The following SLC13A3 variants were observed in gnomAD, a reference collection of about 807,000 sequenced individuals.
SLC13A3 encodes solute carrier family 13 member 3, also known as Na(+)/dicarboxylate cotransporter 3.
Under a neutral mutation model 59.0 loss-of-function variants are expected in SLC13A3, and 40 were observed. The observed-to-expected ratio is 0.68, with a 90% CI of 0.53 to 0.88. The LOEUF is 0.88. Among genes scored for constraint, SLC13A3 ranks in the 40% least tolerant of loss-of-function variants. SLC13A3 has a pLI of 0.00. For synonymous variants in SLC13A3, 317 were observed against 330.3 expected, an observed-to-expected ratio of 0.96 and a Z score of 0.44; for missense variants, 699 against 783.2, an observed-to-expected ratio of 0.89 and a Z score of 1.28.
intron 1 of SLC13A3, among the ~76,000 whole-genome samples, chr20:46,646,558 A>G (rs1185440078): frequency 6.6e-6 from 1 of 152,146 alleles, no homozygotes; most frequent in African/African-American, 2.4e-5. Flanking sequence ...CACTTCACAA[A>G]TGAGACTCAG....
At chr20:46,594,999 T>C (rs431072) in intron 5 of SLC13A3, among the ~76,000 whole-genome samples, 92,561 of 152,058 alleles carry the variant, frequency 0.61, 28,747 homozygotes, top group African/African-American at 0.72. Flanking sequence ...GGCCTCCCTT[T>C]ATTCATCCCC....
chr20:46,627,425 TGTG>T (rs1354519509), intron 1 of SLC13A3, among the ~76,000 whole-genome samples: 2 of 152,098 alleles, frequency 1.3e-5, no homozygotes, highest in Non-Finnish European at 2.9e-5. Context: ...GGGCGGGGAC[TGTG>T]GTGAAGTGGG....
upstream of SLC13A3, among the ~76,000 whole-genome samples, chr20:46,672,035 C>T (rs2063095745): frequency 6.6e-6 from 1 of 152,192 alleles, no homozygotes; most frequent in African/African-American, 2.4e-5. Context: ...GTTCCAATAC[C>T]ATCCAGAGAG....
At chr20:46,640,917 C>T (rs6017949) in intron 1 of SLC13A3, among the ~76,000 whole-genome samples, 31,288 of 152,086 alleles carry the variant, frequency 0.21, 6,027 homozygotes, top group African/African-American at 0.49. Flanking sequence ...CTGGAAGTCA[C>T]GCCAGCCTGT....
intron 6 of SLC13A3, 61 bp from the exon 7 acceptor site, chr20:46,589,316 C>A: frequency 7.2e-7 from 1 of 1,395,914 alleles, no homozygotes; most frequent in Non-Finnish European, 1.0e-6. Flanking sequence ...TTCTCACCTA[C>A]AACAAGCACC....
chr20:46,610,305 T>C (rs1455422322), intron 3 of SLC13A3, 141 bp downstream of exon 3: 1 of 795,416 alleles, frequency 1.3e-6, no homozygotes, highest in African/African-American at 1.7e-5. Context: ...TTATCAGTCA[T>C]TGTCATAACT....
intron 8 of SLC13A3, chr20:46,584,153 C>T (rs939361485): frequency 1.1e-5 from 11 of 985,360 alleles, no homozygotes; most frequent in East Asian, 1.1e-4. Flanking sequence ...CTAACTGTCA[C>T]GTTTCAAGCA....
chr20:46,637,001 A>G (rs1332716524), intron 1 of SLC13A3, among the ~76,000 whole-genome samples: 1 of 151,998 alleles, frequency 6.6e-6, no homozygotes, highest in Non-Finnish European at 1.5e-5. Context: ...GGATTTCACC[A>G]TGTTGACCAG....
chr20:46,596,464 G>C, intron 4 of SLC13A3, 122 bp from the exon 5 acceptor site: 3 of 783,494 alleles, frequency 3.8e-6, no homozygotes, highest in Non-Finnish European at 6.3e-6. Flanking sequence ...TCAAAAACCC[G>C]TAACAAGGTG....
chr20:46,603,438 G>T (rs546588223), intron 3 of SLC13A3, among the ~76,000 whole-genome samples: 1 of 151,906 alleles, frequency 6.6e-6, no homozygotes, highest in Non-Finnish European at 1.5e-5. Flanking sequence ...GCAGTGGCAC[G>T]ATCACAGCTC....
intron 12 of SLC13A3, among the ~76,000 whole-genome samples, chr20:46,560,592 C>T (rs1212972944): frequency 1.3e-5 from 2 of 152,102 alleles, no homozygotes; most frequent in Non-Finnish European, 2.9e-5. Context: ...ATAATCTTGT[C>T]TGATCACTAA....
intron 1 of SLC13A3, among the ~76,000 whole-genome samples, chr20:46,644,645 A>G (rs1003001661): frequency 2.6e-5 from 4 of 152,194 alleles, no homozygotes; most frequent in African/African-American, 9.7e-5. Flanking sequence ...AGAGGTGAAG[A>G]CACTCTTCCT....
chr20:46,568,034 A>T (rs573518724), intron 10 of SLC13A3, among the ~76,000 whole-genome samples: 164 of 152,164 alleles, frequency 1.1e-3, no homozygotes, highest in Middle Eastern at 3.4e-3. Flanking sequence ...TTATATATAT[A>T]TTTTTACTTT....
At chr20:46,676,378 G>T (rs1471308600) in intron 1 of SLC13A3, among the ~76,000 whole-genome samples, 2 of 134,092 alleles carry the variant, frequency 1.5e-5, no homozygotes, top group Admixed American at 7.5e-5. Context: ...CCAAATCACT[G>T]CCCCTTCACC....
upstream of SLC13A3, among the ~76,000 whole-genome samples, chr20:46,654,727 C>T (rs1600620709): frequency 2.6e-5 from 4 of 152,134 alleles, no homozygotes; most frequent in East Asian, 5.8e-4. Flanking sequence ...GACGGGTTTA[C>T]ACCATGTTGG....
At chr20:46,602,408 A>T (rs146953707) in intron 3 of SLC13A3, among the ~76,000 whole-genome samples, 173 of 152,302 alleles carry the variant, frequency 1.1e-3, no homozygotes, top group African/African-American at 4.0e-3. Context: ...AGCCTTTGAC[A>T]GTGTTTTGGA....
At chr20:46,574,782 C>A (rs3091661) in intron 10 of SLC13A3, among the ~76,000 whole-genome samples, 122,665 of 151,018 alleles carry the variant, frequency 0.81, 49,995 homozygotes, top group East Asian at 0.88. Flanking sequence ...TATCTACCTT[C>A]TAGCTTTGTT....
chr20:46,574,005 G>T (rs1049595648), intron 10 of SLC13A3, among the ~76,000 whole-genome samples: 33 of 152,324 alleles, frequency 2.2e-4, no homozygotes, highest in Middle Eastern at 3.4e-3. Flanking sequence ...GTGAGACGGA[G>T]CTCAGCCACC....
chr20:46,676,179 C>CTAAT (rs1246333206), intron 1 of SLC13A3: 1 of 152,132 alleles, frequency 6.6e-6, no homozygotes, highest in Non-Finnish European at 1.5e-5. Context: ...AAAGTGCTGG[C>CTAAT]ATTACAGACA....
Sources: gnomAD v4.1 joint callset for allele counts (sites outside exome capture counted in the v4.1 genomes callset) on GRCh38, gnomAD v4.1.1 for gene constraint, MANE v1.5 for transcripts, NCBI Gene and HGNC (gene_info 2026-07-23, HGNC 2026-07-21) for gene names.